Variants in PDE4D observed in about 807,000 individuals in gnomAD.
PDE4D encodes the protein phosphodiesterase 4D.
In PDE4D, 24 loss-of-function variants were observed where a neutral mutation model predicts 87.4. The ratio of observed to expected loss-of-function variants is 0.27; its 90% CI spans 0.20 to 0.39. The LOEUF (loss-of-function observed/expected upper bound fraction) is 0.39, where lower values mean the gene tolerates loss of function less well. Among genes scored for constraint, PDE4D ranks in the 10% least tolerant of loss-of-function variants. The pLI is 1.00. For missense variants in PDE4D, 714 were observed against 1,041.0 expected (o/e 0.69, Z 4.32); for synonymous variants, 384 against 383.2 (o/e 1.00, Z -0.02).
intron 5 of PDE4D, among the ~76,000 whole-genome samples, chr5:59,127,898 C>G (rs1332814874): frequency 1.3e-5 from 2 of 151,960 alleles, no homozygotes; most frequent in South Asian, 4.2e-4. Context: ...CTCCTTCTGC[C>G]GGCAGCTTGC....
chr5:59,436,558 A>G (rs1398327831), intron 1 of PDE4D, among the ~76,000 whole-genome samples: 1 of 152,176 alleles, frequency 6.6e-6, no homozygotes, highest in Non-Finnish European at 1.5e-5. Context: ...AACTGTTGAG[A>G]CTGAATTGTA....
At chr5:60,337,612 C>G (rs760246515) in intron 1 of PDE4D, among the ~76,000 whole-genome samples, 4 of 151,550 alleles carry the variant, frequency 2.6e-5, no homozygotes, top group Non-Finnish European at 4.4e-5. Flanking sequence ...TAAATAATAC[C>G]TAAATAAACC....
chr5:59,406,388 CTTTCCTT>C (rs1791642246), intron 1 of PDE4D, among the ~76,000 whole-genome samples: 2 of 96,010 alleles, frequency 2.1e-5, no homozygotes, highest in East Asian at 4.2e-4. Context: ...CTTTCCTTAT[CTTTCCTT>C]CCCCCCCCCC....
At chr5:60,166,516 T>C (rs1334967829) in intron 2 of PDE4D, among the ~76,000 whole-genome samples, 1 of 152,256 alleles carries the variant, frequency 6.6e-6, no homozygotes. Context: ...ATTATTGTAG[T>C]TATTATTTTT....
intron 1 of PDE4D, among the ~76,000 whole-genome samples, chr5:59,266,651 G>A (rs577082978): frequency 6.6e-6 from 1 of 151,848 alleles, no homozygotes; most frequent in Non-Finnish European, 1.5e-5. Context: ...TTGGAGGCTT[G>A]TATACAAATC....
At chr5:59,575,918 T>G (rs895958466) in intron 1 of PDE4D, among the ~76,000 whole-genome samples, 3 of 152,120 alleles carry the variant, frequency 2.0e-5, no homozygotes, top group Non-Finnish European at 2.9e-5. Flanking sequence ...AGGTATAAAT[T>G]ATCCCTCATA....
chr5:60,016,158 C>T (rs1765498696), intron 2 of PDE4D, among the ~76,000 whole-genome samples: 1 of 151,868 alleles, frequency 6.6e-6, no homozygotes, highest in Non-Finnish European at 1.5e-5. Context: ...TATTGTAATA[C>T]AGTAACTCAC....
At chr5:59,299,888 TC>T (rs1769848369) in intron 1 of PDE4D, among the ~76,000 whole-genome samples, 1 of 152,146 alleles carries the variant, frequency 6.6e-6, no homozygotes, top group Non-Finnish European at 1.5e-5. Context: ...GGTGGGCAGA[TC>T]ACCTGAGGTC....
chr5:59,452,616 G>A (rs1035051413), intron 1 of PDE4D, among the ~76,000 whole-genome samples: 1 of 152,136 alleles, frequency 6.6e-6, no homozygotes, highest in Admixed American at 6.5e-5. Flanking sequence ...CTCTCTTTCT[G>A]CCTCTCCCCA....
chr5:59,874,123 A>G (rs1336045232), intron 1 of PDE4D, among the ~76,000 whole-genome samples: 2 of 152,086 alleles, frequency 1.3e-5, no homozygotes, highest in Admixed American at 1.3e-4. Flanking sequence ...GGATCCTTTG[A>G]GCCCTGGAAT....
Position 59,540,085 on chromosome 5 carries a change from T to C in PDE4D, c.456-324117A>G, listed in dbSNP as rs536080658. Among the ~76,000 whole-genome samples the C allele has an allele frequency of 1.6e-4, 24 of 152,234 alleles. No individual in the cohort carries two copies. The South Asian group carries it at 5.0e-3, about 32-fold the overall frequency. ...TCATTAGGCCTGAGATGGAACCAGA[T>C]AATTTGCATCTCCAGCAAGTTCCTA... is the stretch of plus-strand genomic sequence containing the variant. On this transcript the variant is annotated intron_variant, in intron 1 of 14. Coordinates refer to ENST00000340635, the MANE Select transcript of PDE4D (RefSeq NM_001104631.2).
intron 2 of PDE4D, among the ~76,000 whole-genome samples, chr5:60,118,596 T>TGTGTGTGTGTG (rs1554162850): frequency 1.3e-5 from 2 of 150,996 alleles, no homozygotes; most frequent in African/African-American, 4.9e-5. Context: ...TGTGTGTGTG[T>TGTGTGTGTGTG]TTACTGAGAA....
At chr5:59,631,325 A>G (rs1299842072) in intron 1 of PDE4D, among the ~76,000 whole-genome samples, 1 of 152,212 alleles carries the variant, frequency 6.6e-6, no homozygotes, top group East Asian at 1.9e-4. Context: ...TTCTTCTCTT[A>G]TCCCTTATGC....
At position 60,466,316 on chromosome 5, in the gene PDE4D, T is replaced by G. The variant is rs530457813; in HGVS notation, c.-90+21626A>C. On this transcript the variant is annotated intron_variant, in intron 1 of 16. Transcript: ENST00000502484. ...CAGAGACCCTCACGGATAAAGTAAA[T>G]AAGGATTTATCCTATCAATGAATTG... 1.9e-4 allele frequency among the ~76,000 whole-genome samples: 29 copies of G among 152,296 alleles called. No individual in the cohort carries two copies. The South Asian group carries it at 6.0e-3, about 32-fold the overall frequency.
At chr5:59,556,265 T>C (rs1818897233) in intron 1 of PDE4D, among the ~76,000 whole-genome samples, 1 of 152,192 alleles carries the variant, frequency 6.6e-6, no homozygotes, top group Non-Finnish European at 1.5e-5. Flanking sequence ...CTAACTTCTG[T>C]ATAATATTCT....
chr5:59,297,284 A>G (rs1030815358), intron 1 of PDE4D, among the ~76,000 whole-genome samples: 1 of 152,222 alleles, frequency 6.6e-6, no homozygotes, highest in African/African-American at 2.4e-5. Context: ...GTGTCCTTCC[A>G]TGCAATACTA....
At chr5:60,519,972 A>C (rs1750962919) in intron 1 of PDE4D, among the ~76,000 whole-genome samples, 2 of 152,220 alleles carry the variant, frequency 1.3e-5, no homozygotes, top group South Asian at 4.1e-4. Flanking sequence ...AGAGATTCAA[A>C]ACCAATCGTT....
intron 1 of PDE4D, among the ~76,000 whole-genome samples, chr5:59,751,206 T>C (rs1760408871): frequency 6.6e-6 from 1 of 152,310 alleles, no homozygotes; most frequent in Middle Eastern, 3.4e-3. Context: ...AAGAATTGTA[T>C]ACTTTTGCAA....
chr5:59,806,635 A>G (rs182703549), intron 1 of PDE4D, among the ~76,000 whole-genome samples: 1 of 152,214 alleles, frequency 6.6e-6, no homozygotes, highest in Non-Finnish European at 1.5e-5. Context: ...CTTGAATCTA[A>G]AAGTCAAGAA....
Sources: allele counts gnomAD v4.1 joint callset (sites outside exome capture counted in the v4.1 genomes callset), GRCh38; gene constraint gnomAD v4.1.1; transcripts MANE v1.5; gene names NCBI Gene and HGNC (gene_info 2026-07-23, HGNC 2026-07-21).